SESN1: variants seen among roughly 807,000 people sequenced by gnomAD.
SESN1 encodes the protein sestrin 1, also known as sestrin-1.
Under a neutral mutation model 59.3 loss-of-function variants are expected in SESN1, and 30 were observed. The observed-to-expected ratio is 0.51, with a 90% CI of 0.38 to 0.69. The LOEUF (loss-of-function observed/expected upper bound fraction) is 0.69, where lower values mean the gene tolerates loss of function less well. Among genes scored for constraint, SESN1 ranks in the 30% least tolerant of loss-of-function variants. The pLI is 0.00. For missense variants in SESN1, 566 were observed against 673.0 expected, an observed-to-expected ratio of 0.84 and a Z score of 1.76; for synonymous variants, 197 against 219.9, an observed-to-expected ratio of 0.90 and a Z score of 0.92.
At chr6:109,016,557 T>C (rs1321695424) in intron 1 of SESN1, among the ~76,000 whole-genome samples, 1 of 152,180 alleles carries the variant, frequency 6.6e-6, no homozygotes, top group Non-Finnish European at 1.5e-5. Context: ...TATTATGTAT[T>C]TTAAAAATAA....
At chr6:109,028,998 G>A (rs1780140690) in intron 1 of SESN1, among the ~76,000 whole-genome samples, 1 of 152,124 alleles carries the variant, frequency 6.6e-6, no homozygotes, top group African/African-American at 2.4e-5. Context: ...AGTCTAAATT[G>A]TTCACTTCAT....
chr6:109,006,890 C>A (rs1364988182), intron 1 of SESN1, among the ~76,000 whole-genome samples: 2 of 152,200 alleles, frequency 1.3e-5, no homozygotes, highest in Non-Finnish European at 2.9e-5. Flanking sequence ...ATTCCTTCAT[C>A]TGTAGCTGTA....
At chr6:109,070,203 A>G (rs188374186) in intron 1 of SESN1, among the ~76,000 whole-genome samples, 1 of 152,154 alleles carries the variant, frequency 6.6e-6, no homozygotes, top group Non-Finnish European at 1.5e-5. Flanking sequence ...GGGCCCCTAC[A>G]CTTTAGAGGG....
In SESN1 at chr6:109,087,143, T is replaced by C. The variant is rs72937065; in HGVS notation, c.279+6652A>G. On this transcript the variant is annotated intron_variant, in intron 1 of 9. Coordinates refer to ENST00000436639, the MANE Select transcript of SESN1 (RefSeq NM_014454.3). Reference sequence around the variant, plus strand: ...AAGACAGCATCTCAAAATAAATAAATAAACAAAAATAAATAAAATAAAATA... The same window carrying C: ...AAGACAGCATCTCAAAATAAATAAACAAACAAAAATAAATAAAATAAAATA... Among the ~76,000 whole-genome samples the C allele has an allele frequency of 5.9e-3, 899 of 151,864 alleles. 3 individuals are homozygous for C. The highest frequency in any genetic ancestry group is 9.4e-3 in the Non-Finnish European group (638 of 67,920).
chr6:109,015,253 T>C (rs916391548), intron 1 of SESN1, among the ~76,000 whole-genome samples: 3 of 152,240 alleles, frequency 2.0e-5, no homozygotes, highest in Non-Finnish European at 4.4e-5. Context: ...TCAGAATCTC[T>C]CCACTTCTCC....
At position 109,046,964 on chromosome 6, in the gene SESN1, C is replaced by T. The variant is rs1189328037; in HGVS notation, c.280-44621G>A. On this transcript the variant is annotated intron_variant, in intron 1 of 9. Coordinates refer to ENST00000436639, the MANE Select transcript of SESN1 (RefSeq NM_014454.3). ...CTGGGAAGTGAGGAGCGTCTCCACC[C>T]GGCAGCCACCCCGTCCGGGAGGGAG... Among the ~76,000 whole-genome samples the T allele has an allele frequency of 2.6e-4, 28 of 108,482 alleles. 1 individual carries two copies. Among genetic ancestry groups the T allele is most frequent in the Non-Finnish European group, 4.3e-4 (22 of 50,970 alleles). 71.2% of individuals were successfully genotyped at this position (108,482 alleles called of 152,430 possible).
At chr6:109,052,950 CA>C (rs1780566461) in intron 1 of SESN1, among the ~76,000 whole-genome samples, 1 of 152,028 alleles carries the variant, frequency 6.6e-6, no homozygotes, top group Admixed American at 6.5e-5. Context: ...ATTAATCAAA[CA>C]ATCAATAAAG....
intron 1 of SESN1, among the ~76,000 whole-genome samples, chr6:109,021,334 G>A (rs1478976764): frequency 6.6e-6 from 1 of 152,108 alleles, no homozygotes; most frequent in African/African-American, 2.4e-5. Flanking sequence ...GTAGGATGCT[G>A]TAAAATAAGT....
chr6:109,060,742 TAA>T (rs1780719086), intron 1 of SESN1, among the ~76,000 whole-genome samples: 1 of 152,212 alleles, frequency 6.6e-6, no homozygotes, highest in African/African-American at 2.4e-5. Context: ...GATCAGTACT[TAA>T]TATGTCATGG....
chr6:109,036,780 C>T (rs755616969), intron 1 of SESN1, among the ~76,000 whole-genome samples: 4 of 152,166 alleles, frequency 2.6e-5, no homozygotes, highest in Non-Finnish European at 5.9e-5. Context: ...TTATTCTCAC[C>T]TGTTCCCCAT....
intron 1 of SESN1, among the ~76,000 whole-genome samples, chr6:109,079,014 G>C (rs1781075790): frequency 6.6e-6 from 1 of 151,990 alleles, no homozygotes; most frequent in East Asian, 1.9e-4. Flanking sequence ...AATTCAAAGA[G>C]GGAGCCATCA....
At chr6:109,072,878 TAC>T (rs1304928655) in intron 1 of SESN1, among the ~76,000 whole-genome samples, 4 of 152,034 alleles carry the variant, frequency 2.6e-5, no homozygotes, top group African/African-American at 9.7e-5. Context: ...CACCAAAAAA[TAC>T]AGACATTTTA....
chr6:109,042,201 G>A (rs1780353738), intron 1 of SESN1, among the ~76,000 whole-genome samples: 1 of 151,980 alleles, frequency 6.6e-6, no homozygotes, highest in African/African-American at 2.4e-5. Context: ...GGACACAGCT[G>A]AAGCAGTGCT....
At chr6:109,009,475 G>A (rs1001112189) in intron 1 of SESN1, 67 of 1,252,202 alleles carry the variant, frequency 5.4e-5, no homozygotes, top group East Asian at 1.3e-4. Flanking sequence ...GCGCGGGGAC[G>A]GCTGCGGACG....
intron 8 of SESN1, among the ~76,000 whole-genome samples, chr6:108,990,301 A>G (rs984829388): frequency 5.9e-5 from 9 of 152,376 alleles, no homozygotes; most frequent in Non-Finnish European, 1.0e-4. Flanking sequence ...AGGTAGAAAC[A>G]TAAGTGTATC....
chr6:108,987,638 T>TA lies in SESN1; in HGVS notation c.1570-9dup, dbSNP rs1405107867. The TA allele has an allele frequency of 1.4e-6, 2 of 1,473,234 alleles. No individual in the cohort carries two copies. Among genetic ancestry groups the TA allele is most frequent in the Admixed American group, 1.7e-5 (1 of 59,464 alleles). 91.3% of individuals were successfully genotyped at this position (1,473,234 alleles called of 1,614,324 possible). On this transcript the variant is annotated splice_polypyrimidine_tract_variant and intron_variant, in intron 9 of 9. Coordinates refer to ENST00000436639, the MANE Select transcript of SESN1 (RefSeq NM_014454.3). ...AAGCAGATTAACATGAACCTGAATATAAAATACAACATCATATAAGGAAGG... is the reference window on the plus strand; with the variant it reads ...AAGCAGATTAACATGAACCTGAATATAAAAATACAACATCATATAAGGAAGG...
chr6:109,038,557 G>A (rs774492908), intron 1 of SESN1, among the ~76,000 whole-genome samples: 7 of 152,204 alleles, frequency 4.6e-5, no homozygotes, highest in Non-Finnish European at 7.3e-5. Context: ...ACAATGAGAT[G>A]TTGACTCTAA....
Position 108,990,790 on chromosome 6 carries a change from A to G in SESN1, c.1279T>C (p.Tyr427His). ...TCAATCAACTGTCCCACATCTGGAT[A>G]AAGGCGATTTACCAAAGAATAACCA... Reference protein sequence around the residue: ...DHGYSLVNRLYPDVGQLIDEK... With the variant: ...DHGYSLVNRLHPDVGQLIDEK... The change falls in exon 8 of 10, where the codon TAT (tyrosine) becomes CAT (histidine). Residue 427 changes from tyrosine (Y) to histidine (H), a missense_variant. By Grantham distance (83) the Tyr-to-His change is moderately conservative. Transcript: ENST00000436639. The G allele has an allele frequency of 1.2e-6, 2 of 1,614,128 alleles. No homozygotes were observed. The highest frequency in any genetic ancestry group is 1.7e-6 in the Non-Finnish European group (2 of 1,180,016).
intron 1 of SESN1, among the ~76,000 whole-genome samples, chr6:109,003,144 C>T (rs1044954223): frequency 2.0e-5 from 3 of 151,888 alleles, no homozygotes; most frequent in Non-Finnish European, 1.5e-5. Flanking sequence ...TTTACAGAAA[C>T]AAAACTAAAA....
Sources: allele counts gnomAD v4.1 joint callset (sites outside exome capture counted in the v4.1 genomes callset), GRCh38; gene constraint gnomAD v4.1.1; transcripts MANE v1.5; gene names NCBI Gene and HGNC (gene_info 2026-07-23, HGNC 2026-07-21).